TNFRSF10A: variants seen among roughly 807,000 people sequenced by gnomAD.
The protein encoded by TNFRSF10A is tumor necrosis factor receptor superfamily member 10A.
In TNFRSF10A, 44 loss-of-function variants were observed where a neutral mutation model predicts 42.8. The ratio of observed to expected loss-of-function variants is 1.03; its 90% confidence interval spans 0.81 to 1.32. The LOEUF is 1.32. Ranked by LOEUF, TNFRSF10A falls within the 40% of genes most tolerant of loss-of-function variation. The pLI, the probability that TNFRSF10A is intolerant of heterozygous loss-of-function variation, is 0.00. For synonymous variants in TNFRSF10A, 259 were observed against 234.2 expected (o/e 1.11, Z -0.97); for missense variants, 680 against 602.0 (o/e 1.13, Z -1.36).
intron 9 of TNFRSF10A, among the ~76,000 whole-genome samples, chr8:23,193,528 A>G (rs1220188465): frequency 6.6e-6 from 1 of 152,190 alleles, no homozygotes; most frequent in African/African-American, 2.4e-5. Flanking sequence ...TGTGAGAGGG[A>G]AGCACTCTGC....
intron 1 of TNFRSF10A, among the ~76,000 whole-genome samples, chr8:23,217,707 G>T (rs1801204147): frequency 6.6e-6 from 1 of 152,122 alleles, no homozygotes; most frequent in South Asian, 2.1e-4. Flanking sequence ...CATTGGTGCG[G>T]GCTTCCTAGA....
chr8:23,220,330 C>T (rs761215385), intron 1 of TNFRSF10A, among the ~76,000 whole-genome samples: 21 of 152,234 alleles, frequency 1.4e-4, no homozygotes, highest in Non-Finnish European at 2.5e-4. Flanking sequence ...GCTGGGCTGG[C>T]CCAATCTCTA....
intron 1 of TNFRSF10A, 60 bp downstream of exon 1, chr8:23,224,696 T>C (rs2128852705): frequency 6.6e-7 from 1 of 1,517,820 alleles, no homozygotes; most frequent in Admixed American, 2.1e-5. Flanking sequence ...CCCCTCTCTC[T>C]CTGCCCCCTC....
chr8:23,214,080 C>A (rs1259586610), intron 1 of TNFRSF10A, among the ~76,000 whole-genome samples: 16 of 152,064 alleles, frequency 1.1e-4, no homozygotes. Flanking sequence ...ACAATCTGCC[C>A]ACCTTGGCCT....
At chr8:23,205,045 A>G (rs1403429191) in intron 2 of TNFRSF10A, among the ~76,000 whole-genome samples, 1 of 152,048 alleles carries the variant, frequency 6.6e-6, no homozygotes, top group Non-Finnish European at 1.5e-5. Flanking sequence ...TAGATAAAGC[A>G]AGCAGAAGGA....
intron 2 of TNFRSF10A, among the ~76,000 whole-genome samples, chr8:23,208,639 G>T (rs1475789594): frequency 6.6e-6 from 1 of 152,036 alleles, no homozygotes; most frequent in Non-Finnish European, 1.5e-5. Flanking sequence ...TGTATTTTTA[G>T]TAGAGACGGG....
chr8:23,200,429 G>T, intron 6 of TNFRSF10A, 76 bp downstream of exon 6: 1 of 1,521,454 alleles, frequency 6.6e-7, no homozygotes, highest in Non-Finnish European at 9.1e-7. Context: ...GGGCAGGGGT[G>T]AGCGTTTCTG....
chr8:23,206,370 A>G (rs1436504350), intron 2 of TNFRSF10A, among the ~76,000 whole-genome samples: 1 of 152,230 alleles, frequency 6.6e-6, no homozygotes, highest in Non-Finnish European at 1.5e-5. Context: ...GACAAGATCC[A>G]GTCCTGCAAG....
At chr8:23,194,794 T>C (rs1220072986) in intron 9 of TNFRSF10A, among the ~76,000 whole-genome samples, 1 of 152,178 alleles carries the variant, frequency 6.6e-6, no homozygotes, top group Non-Finnish European at 1.5e-5. Flanking sequence ...TTTAAGTAAA[T>C]TTTTCATATA....
chr8:23,219,516 A>C (rs1389877949), intron 1 of TNFRSF10A, among the ~76,000 whole-genome samples: 1 of 152,190 alleles, frequency 6.6e-6, no homozygotes, highest in African/African-American at 2.4e-5. Context: ...GGGGAGACCA[A>C]AAATGCTACA....
At chr8:23,224,106 T>C (rs980611342) in intron 1 of TNFRSF10A, among the ~76,000 whole-genome samples, 2 of 150,664 alleles carry the variant, frequency 1.3e-5, no homozygotes, top group Non-Finnish European at 3.0e-5. Flanking sequence ...GCGGGCGGAT[T>C]TGGCTAACAC....
intron 9 of TNFRSF10A, among the ~76,000 whole-genome samples, chr8:23,194,233 C>T (rs941438221): frequency 6.6e-6 from 1 of 152,110 alleles, no homozygotes; most frequent in Non-Finnish European, 1.5e-5. Flanking sequence ...TGTGTATGTA[C>T]ATTTATTATT....
chr8:23,193,414 A>T (rs1305833041), intron 9 of TNFRSF10A, among the ~76,000 whole-genome samples: 3 of 152,180 alleles, frequency 2.0e-5, no homozygotes, highest in Non-Finnish European at 2.9e-5. Flanking sequence ...TTGCATCCAG[A>T]CAGGTGATTG....
chr8:23,222,032 G>A (rs1478430504), intron 1 of TNFRSF10A, among the ~76,000 whole-genome samples: 3 of 151,886 alleles, frequency 2.0e-5, no homozygotes, highest in Non-Finnish European at 2.9e-5. Context: ...GCCCGCCACC[G>A]TGCCTGGCTA....
intron 1 of TNFRSF10A, among the ~76,000 whole-genome samples, chr8:23,223,683 A>G (rs1368706019): frequency 6.6e-6 from 1 of 152,242 alleles, no homozygotes; most frequent in Non-Finnish European, 1.5e-5. Context: ...TTTATCCTTC[A>G]GGTACTTAGC....
intron 7 of TNFRSF10A, 86 bp from the exon 8 acceptor site, chr8:23,199,534 A>C: frequency 2.7e-6 from 4 of 1,490,402 alleles, no homozygotes; most frequent in Non-Finnish European, 3.7e-6. Flanking sequence ...TGCTGCCACC[A>C]CCCCCTCCCA....
At chr8:23,193,217 G>A (rs1466198888) in intron 9 of TNFRSF10A, among the ~76,000 whole-genome samples, 1 of 152,162 alleles carries the variant, frequency 6.6e-6, no homozygotes, top group African/African-American at 2.4e-5. Flanking sequence ...ACAGGTTTTG[G>A]TTCCCTGGCT....
At chr8:23,222,900 C>G (rs2128852364) in intron 1 of TNFRSF10A, among the ~76,000 whole-genome samples, 2 of 152,266 alleles carry the variant, frequency 1.3e-5, no homozygotes, top group Admixed American at 1.3e-4. Flanking sequence ...CCTCCCCACC[C>G]CTTCCCCTGA....
intron 9 of TNFRSF10A, among the ~76,000 whole-genome samples, chr8:23,192,745 A>C (rs1195534293): frequency 6.6e-6 from 1 of 152,258 alleles, no homozygotes; most frequent in African/African-American, 2.4e-5. Context: ...TTTAATATGC[A>C]ATGAGTATAC....
Sources: allele counts gnomAD v4.1 joint callset (sites outside exome capture counted in the v4.1 genomes callset), GRCh38; gene constraint gnomAD v4.1.1; transcripts MANE v1.5; gene names NCBI Gene and HGNC (gene_info 2026-07-23, HGNC 2026-07-21).